The following NCOA1 variants were observed in gnomAD, a reference collection of about 807,000 sequenced individuals.
NCOA1 encodes nuclear receptor coactivator 1, also known as Hin-2 protein.
Under a neutral mutation model 150.9 loss-of-function variants are expected in NCOA1, and 35 were observed. That is an observed-to-expected ratio of 0.23 (90% CI 0.18 to 0.31). NCOA1 has a LOEUF of 0.31. NCOA1 is among the 10% of genes least tolerant of loss of function. NCOA1 has a pLI of 1.00. For missense variants in NCOA1, 1,491 were observed against 1,749.3 expected (o/e 0.85, Z 2.63); for synonymous variants, 590 against 630.0 (o/e 0.94, Z 0.95).
intron 3 of NCOA1, among the ~76,000 whole-genome samples, chr2:24,623,770 C>G (rs1669279773): frequency 6.6e-6 from 1 of 152,180 alleles, no homozygotes; most frequent in Non-Finnish European, 1.5e-5. Flanking sequence ...ATTACCTTTC[C>G]TCTGTGCCTG....
intron 1 of NCOA1, among the ~76,000 whole-genome samples, chr2:24,494,759 T>C (rs962760722): frequency 6.6e-6 from 1 of 152,190 alleles, no homozygotes; most frequent in Non-Finnish European, 1.5e-5. Context: ...ACACTGTATC[T>C]GATCTGGGCT....
chr2:24,725,928 T>G (rs1274522366), intron 14 of NCOA1, among the ~76,000 whole-genome samples: 3 of 152,110 alleles, frequency 2.0e-5, no homozygotes, highest in Middle Eastern at 3.2e-3. Flanking sequence ...ATTTATAAAT[T>G]TTTTTCTAGT....
intron 19 of NCOA1, among the ~76,000 whole-genome samples, chr2:24,742,689 T>G (rs1663671025): frequency 6.6e-6 from 1 of 151,892 alleles, no homozygotes; most frequent in Admixed American, 6.6e-5. Flanking sequence ...CTTGAACTCC[T>G]GACCTCAGGT....
chr2:24,710,185 C>T (rs750507071), intron 13 of NCOA1, among the ~76,000 whole-genome samples: 16 of 152,088 alleles, frequency 1.1e-4, no homozygotes, highest in Admixed American at 9.2e-4. Flanking sequence ...CCTCCGCCTC[C>T]CAGGTTCAAG....
At position 24,683,029 on chromosome 2, in the gene NCOA1, G is replaced by C. The variant is rs1468418060; in HGVS notation, c.433G>C (p.Gly145Arg). The C allele has an allele frequency of 6.2e-7, 1 of 1,609,272 alleles. No homozygotes were observed. Reference sequence around the variant, plus strand: ...GTCAGAGAATGTAACCAGCTACTTAGGTTACAATCAGGAGGAATTAATGAA... The same window carrying C: ...GTCAGAGAATGTAACCAGCTACTTACGTTACAATCAGGAGGAATTAATGAA... ...FVSENVTSYL[G>R]YNQEELMNTS... Residue 145 changes from glycine (G) to arginine (R), a missense_variant, in exon 8 of 23, where the codon GGT (glycine) becomes CGT (arginine). Transcript: ENST00000348332.
intron 17 of NCOA1, among the ~76,000 whole-genome samples, chr2:24,732,089 T>G (rs1209099020): frequency 6.6e-6 from 1 of 152,214 alleles, no homozygotes; most frequent in Non-Finnish European, 1.5e-5. Context: ...ACCAAGGGTC[T>G]AGGTCAGGTT....
At chr2:24,555,027 G>A (rs752780610) in intron 1 of NCOA1, among the ~76,000 whole-genome samples, 8 of 152,006 alleles carry the variant, frequency 5.3e-5, no homozygotes, top group Admixed American at 2.0e-4. Context: ...AGACACACAC[G>A]AGGAGTTTAG....
intron 14 of NCOA1, among the ~76,000 whole-genome samples, chr2:24,714,827 C>G: frequency 6.6e-6 from 1 of 151,828 alleles, no homozygotes; most frequent in East Asian, 1.9e-4. Flanking sequence ...TGTAAACCTA[C>G]AAATCCAAGA....
At position 24,719,632 on chromosome 2, in the gene NCOA1, CAG is replaced by C. The variant is rs574375201; in HGVS notation, c.2600-6956_2600-6955del. Among the ~76,000 whole-genome samples, 44 of 152,142 alleles carry C rather than the reference CAG, an allele frequency of 2.9e-4. No homozygotes were observed. The South Asian group carries it at 7.0e-3, about 24-fold the overall frequency. ...AAAGGTCCTGGAAGATGTCCTTAAA[CAG>C]GGGAAAACCAAAAGAGACAAAACCA... On this transcript the variant is annotated intron_variant, in intron 14 of 22. Coordinates refer to ENST00000348332, the MANE Select transcript of NCOA1 (RefSeq NM_003743.5).
chr2:24,552,355 T>A (rs13390348), intron 1 of NCOA1, among the ~76,000 whole-genome samples: 164 of 33,732 alleles, frequency 4.9e-3, no homozygotes, highest in Middle Eastern at 0.036. Context: ...ATATATATAT[T>A]TTTTTTTTTT....
chr2:24,501,684 C>T (rs9677360), intron 1 of NCOA1, among the ~76,000 whole-genome samples: 100,795 of 151,972 alleles, frequency 0.66, 36,490 homozygotes, highest in East Asian at 0.86. Flanking sequence ...CCAGAAGTTC[C>T]TAACCTGGGG....
At chr2:24,605,576 C>T (rs1267875636) in intron 3 of NCOA1, among the ~76,000 whole-genome samples, 1 of 151,958 alleles carries the variant, frequency 6.6e-6, no homozygotes, top group Non-Finnish European at 1.5e-5. Flanking sequence ...CAAAAGTATC[C>T]CTTCCTAGAA....
chr2:24,682,866 A>G (rs1423293047), intron 7 of NCOA1, 85 bp from the exon 8 acceptor site: 2 of 1,201,266 alleles, frequency 1.7e-6, no homozygotes, highest in Admixed American at 5.4e-5. Context: ...TATATTTCTG[A>G]TCTCTTTTTT....
intron 1 of NCOA1, among the ~76,000 whole-genome samples, chr2:24,518,495 A>G (rs1229310914): frequency 3.3e-5 from 5 of 151,982 alleles, no homozygotes; most frequent in Non-Finnish European, 5.9e-5. Flanking sequence ...AATCTGTATG[A>G]TGAAGTAAAA....
At chr2:24,652,636 A>G (rs1012695213) in intron 4 of NCOA1, among the ~76,000 whole-genome samples, 2 of 152,108 alleles carry the variant, frequency 1.3e-5, no homozygotes, top group Non-Finnish European at 1.5e-5. Context: ...GCACAGTTCT[A>G]TTTCTTTAGC....
chr2:24,537,179 A>G (rs1273390496), intron 1 of NCOA1, among the ~76,000 whole-genome samples: 3 of 152,028 alleles, frequency 2.0e-5, no homozygotes, highest in African/African-American at 7.3e-5. Flanking sequence ...ACAATAGTCA[A>G]GATACAGAAA....
intron 3 of NCOA1, among the ~76,000 whole-genome samples, chr2:24,600,022 C>T (rs527347548): frequency 1.2e-4 from 18 of 152,146 alleles, no homozygotes; most frequent in African/African-American, 3.6e-4. Flanking sequence ...TGAGCCCAGC[C>T]GATTAATCAT....
intron 2 of NCOA1, among the ~76,000 whole-genome samples, chr2:24,580,985 G>T (rs954699210): frequency 2.0e-5 from 3 of 152,188 alleles, no homozygotes; most frequent in Non-Finnish European, 4.4e-5. Context: ...TTCCTGTGGG[G>T]ATACAAGTCC....
chr2:24,754,581 G>T (rs936587067), intron 20 of NCOA1, among the ~76,000 whole-genome samples: 1 of 152,156 alleles, frequency 6.6e-6, no homozygotes, highest in South Asian at 2.1e-4. Context: ...GACATTAAAT[G>T]TGACCTTATT....
Sources: allele counts gnomAD v4.1 joint callset (sites outside exome capture counted in the v4.1 genomes callset), GRCh38; gene constraint gnomAD v4.1.1; transcripts MANE v1.5; gene names NCBI Gene and HGNC (gene_info 2026-07-23, HGNC 2026-07-21).